The following FAT3 variants were observed in gnomAD, a reference collection of about 807,000 sequenced individuals.
The protein encoded by FAT3 is FAT atypical cadherin 3.
FAT3 carries 95 observed loss-of-function variants against 310.2 expected under a neutral mutation model. The observed-to-expected ratio is 0.31, with a 90% confidence interval of 0.26 to 0.36. The LOEUF is 0.36. FAT3 is among the 10% of genes least tolerant of loss of function. The probability of loss-of-function intolerance (pLI) is 1.00; values close to 1 mark genes in which losing one functional copy is unlikely to be tolerated. For missense variants in FAT3, 5,408 were observed against 5,715.6 expected, an observed-to-expected ratio of 0.95 and a Z score of 1.74; for synonymous variants, 2,314 against 2,192.9, an observed-to-expected ratio of 1.06 and a Z score of -1.54.
chr11:92,509,118 CAGTTTAA>C (rs957483481), intron 2 of FAT3, among the ~76,000 whole-genome samples: 2 of 152,014 alleles, frequency 1.3e-5, no homozygotes, highest in Non-Finnish European at 2.9e-5. Flanking sequence ...CAAAAAGGAG[CAGTTTAA>C]GGATGTTAAT....
chr11:92,570,987 A>C (rs1955647256), intron 3 of FAT3, among the ~76,000 whole-genome samples: 1 of 152,208 alleles, frequency 6.6e-6, no homozygotes, highest in South Asian at 2.1e-4. Context: ...ATGAGTGGTC[A>C]GTAAAAGTTA....
chr11:92,772,466 G>A (rs1241836738), intron 6 of FAT3, among the ~76,000 whole-genome samples: 1 of 151,914 alleles, frequency 6.6e-6, no homozygotes, highest in East Asian at 1.9e-4. Context: ...CTTTGAATAA[G>A]AAATGGTGAC....
chr11:92,342,798 A>G (rs1319695959), intron 1 of FAT3, among the ~76,000 whole-genome samples: 1 of 152,188 alleles, frequency 6.6e-6, no homozygotes, highest in East Asian at 1.9e-4. Flanking sequence ...AGCGAGGCCT[A>G]CAAGAGAAAA....
chr11:92,624,078 A>T (rs748907543), intron 3 of FAT3, among the ~76,000 whole-genome samples: 4 of 152,228 alleles, frequency 2.6e-5, no homozygotes, highest in Non-Finnish European at 4.4e-5. Flanking sequence ...GCTCCCAGGG[A>T]ACTCAGAGGC....
intron 2 of FAT3, among the ~76,000 whole-genome samples, chr11:92,380,135 G>A (rs952766486): frequency 6.7e-6 from 1 of 149,554 alleles, no homozygotes; most frequent in Non-Finnish European, 1.5e-5. Flanking sequence ...TTGATGTTAC[G>A]TTTTATAACA....
intron 2 of FAT3, among the ~76,000 whole-genome samples, chr11:92,460,949 C>T (rs547723866): frequency 6.6e-6 from 1 of 152,238 alleles, no homozygotes; most frequent in African/African-American, 2.4e-5. Context: ...AGAAGATCCC[C>T]TTTTTTTCTG....
intron 3 of FAT3, among the ~76,000 whole-genome samples, chr11:92,543,268 T>C (rs1166976297): frequency 6.6e-6 from 1 of 152,168 alleles, no homozygotes; most frequent in African/African-American, 2.4e-5. Flanking sequence ...TTATTGCACA[T>C]TGGGGTGACT....
chr11:92,737,166 C>T (rs566345626), intron 4 of FAT3, among the ~76,000 whole-genome samples: 1 of 152,192 alleles, frequency 6.6e-6, no homozygotes, highest in East Asian at 1.9e-4. Flanking sequence ...TTTGGAAAAG[C>T]AGAAGATGAA....
intron 3 of FAT3, among the ~76,000 whole-genome samples, chr11:92,560,784 G>A (rs1225722246): frequency 6.6e-6 from 1 of 152,114 alleles, no homozygotes; most frequent in Non-Finnish European, 1.5e-5. Context: ...TCTCTGGTTG[G>A]AACTTTGTTG....
rs573533679 is a variant in FAT3 at position 92,324,390 on chromosome 11, G to A, written c.-17-27706G>A. On this transcript the variant is annotated intron_variant, in intron 1 of 27. Transcript: ENST00000525166. The stretch of plus-strand genomic sequence containing the variant: ...TCTTCCTTTCACTTGAACACTTAGA[G>A]GACATTGTAGGGTTATTAATTGGCT... Among the ~76,000 whole-genome samples, 6 of 152,270 alleles carry A rather than the reference G, an allele frequency of 3.9e-5. No homozygotes were observed. In the South Asian group the frequency reaches 1.2e-3, roughly 32 times the overall value.
At chr11:92,743,808 A>G (rs74906277) in intron 4 of FAT3, among the ~76,000 whole-genome samples, 1,693 of 152,334 alleles carry the variant, frequency 0.011, 38 homozygotes, top group African/African-American at 0.038. Context: ...ATGGGTTATC[A>G]TAACAGGGGA....
At chr11:92,298,282 A>G (rs771287986) in intron 1 of FAT3, among the ~76,000 whole-genome samples, 2 of 152,114 alleles carry the variant, frequency 1.3e-5, no homozygotes, top group Non-Finnish European at 2.9e-5. Flanking sequence ...AGATAAATGC[A>G]TGCTGCTTAA....
chr11:92,799,377 G>C lies in FAT3; in HGVS notation c.6364G>C (p.Val2122Leu). The part of the protein sequence containing the change: ...DKGPNGEVTY[V>L]LQDDYGHFEI... The stretch of plus-strand genomic sequence containing the variant: ...AGGTCCAAATGGAGAAGTGACCTAT[G>C]TCCTGCAGGATGACTATGGCCACTT... The change falls in exon 10 of 28, where the codon GTC (valine) becomes CTC (leucine). Residue 2122 changes from valine (V) to leucine (L), a missense_variant. Physicochemically the swap from Val to Leu is conservative, Grantham distance 32. Coordinates refer to ENST00000525166, the MANE Select transcript of FAT3 (RefSeq NM_001367949.2). The C allele has an allele frequency of 6.2e-7, 1 of 1,613,828 alleles. No homozygotes were observed. The highest frequency in any genetic ancestry group is 8.5e-7 in the Non-Finnish European group (1 of 1,179,836).
intron 1 of FAT3, among the ~76,000 whole-genome samples, chr11:92,343,193 C>T (rs1264864881): frequency 1.3e-5 from 2 of 152,114 alleles, no homozygotes; most frequent in African/African-American, 4.8e-5. Context: ...TAAGAGACCA[C>T]TCTTAGACAG....
intron 2 of FAT3, among the ~76,000 whole-genome samples, chr11:92,382,004 G>A (rs1949504977): frequency 6.6e-6 from 1 of 152,094 alleles, no homozygotes; most frequent in South Asian, 2.1e-4. Context: ...GTTACTTTCA[G>A]AGGGCTAAAT....
At chr11:92,835,105 A>G (rs1948372114) in intron 15 of FAT3, 21 bp downstream of exon 15, 2 of 1,589,318 alleles carry the variant, frequency 1.3e-6, no homozygotes, top group South Asian at 2.3e-5. Flanking sequence ...GGGGTTGGGG[A>G]TGGTTCTAGA....
Position 92,636,356 on chromosome 11 carries a change from C to T in FAT3, c.3608-61028C>T, listed in dbSNP as rs573655017. Reference sequence around the variant, plus strand: ...AAAGAAAAGCTAAGGCTAAGTTATACTAGGGACTCTTCTTTCTATAAATCA... The same window carrying T: ...AAAGAAAAGCTAAGGCTAAGTTATATTAGGGACTCTTCTTTCTATAAATCA... On this transcript the variant is annotated intron_variant, in intron 3 of 27. Transcript: ENST00000525166. Among the ~76,000 whole-genome samples the T allele has an allele frequency of 9.2e-5, 14 of 152,292 alleles. 1 individual carries two copies. In the South Asian group the frequency reaches 2.7e-3, roughly 29 times the overall value.
chr11:92,449,128 G>A (rs1463492143), intron 2 of FAT3, among the ~76,000 whole-genome samples: 1 of 152,144 alleles, frequency 6.6e-6, no homozygotes, highest in Non-Finnish European at 1.5e-5. Flanking sequence ...TTTGCAGACT[G>A]CTGAGGAGCC....
intron 2 of FAT3, among the ~76,000 whole-genome samples, chr11:92,435,936 C>G (rs1950928540): frequency 6.6e-6 from 1 of 152,096 alleles, no homozygotes; most frequent in East Asian, 1.9e-4. Context: ...AGTTAAACAC[C>G]ATTCGTAATG....
Sources: gnomAD v4.1 joint callset for allele counts (sites outside exome capture counted in the v4.1 genomes callset) on GRCh38, gnomAD v4.1.1 for gene constraint, MANE v1.5 for transcripts, NCBI Gene and HGNC (gene_info 2026-07-23, HGNC 2026-07-21) for gene names.